The following PSD3 variants were observed in gnomAD, a reference collection of about 807,000 sequenced individuals.
PSD3 encodes the protein pleckstrin and Sec7 domain containing 3.
A neutral mutation model predicts 105.5 loss-of-function variants in PSD3; 49 were observed. The observed-to-expected ratio is 0.46, with a 90% CI of 0.37 to 0.59. The LOEUF (loss-of-function observed/expected upper bound fraction) is 0.59. Among genes scored for constraint, PSD3 ranks in the 20% least tolerant of loss-of-function variants. The probability of loss-of-function intolerance (pLI) is 0.00; values close to 1 mark genes in which losing one functional copy is unlikely to be tolerated. For synonymous variants in PSD3, 557 were observed against 457.8 expected, an observed-to-expected ratio of 1.22 and a Z score of -2.77; for missense variants, 1,561 against 1,263.8, an observed-to-expected ratio of 1.24 and a Z score of -3.57.
intron 4 of PSD3, among the ~76,000 whole-genome samples, chr8:18,814,615 T>C (rs1812047086): frequency 6.6e-6 from 1 of 152,198 alleles, no homozygotes; most frequent in African/African-American, 2.4e-5. Context: ...AAATGAATAA[T>C]TTGCAAAGAA....
At chr8:18,661,321 T>C (rs896877485) in intron 9 of PSD3, among the ~76,000 whole-genome samples, 8 of 152,208 alleles carry the variant, frequency 5.3e-5, no homozygotes, top group African/African-American at 1.9e-4. Context: ...CTCTTTCAAA[T>C]GCTATGCTGG....
chr8:18,949,730 G>T (rs7014903), intron 1 of PSD3, among the ~76,000 whole-genome samples: 1 of 151,756 alleles, frequency 6.6e-6, no homozygotes, highest in Non-Finnish European at 1.5e-5. Context: ...TGAGCTCAGA[G>T]CATCTACAAA....
chr8:18,671,702 G>A (rs1258309797), intron 9 of PSD3, among the ~76,000 whole-genome samples: 1 of 151,448 alleles, frequency 6.6e-6, no homozygotes, highest in Admixed American at 6.6e-5. Flanking sequence ...CGCGATCTCC[G>A]CTCACTGCAA....
upstream of PSD3, among the ~76,000 whole-genome samples, chr8:19,014,687 A>G (rs545313819): frequency 6.6e-6 from 1 of 152,310 alleles, no homozygotes; most frequent in South Asian, 2.1e-4. This position sits in a 1 kb window ranked among gnomAD's most constrained non-coding sequence, Gnocchi z 4.9. Context: ...AAGACGCCCC[A>G]ATAACGAGAA....
Position 19,080,947 on chromosome 8 carries a change from C to T in PSD3, c.324+3259G>A, listed in dbSNP as rs543020812. On this transcript the variant is annotated intron_variant, in intron 1 of 1. Coordinates refer to the PSD3 transcript ENST00000521475. The stretch of plus-strand genomic sequence containing the variant: ...AAAAAAATTTAAGATGTGGAAATGT[C>T]CCGAAACGATGATAGAGAAAGCTTT... 7.0e-4 allele frequency among the ~76,000 whole-genome samples: 106 copies of T among 152,244 alleles called. 1 individual carries two copies. Among genetic ancestry groups the T allele is most frequent in the African/African-American group, 2.5e-3 (102 of 41,552 alleles).
At chr8:18,646,140 C>G (rs549021841) in intron 10 of PSD3, among the ~76,000 whole-genome samples, 13 of 152,228 alleles carry the variant, frequency 8.5e-5, no homozygotes, top group African/African-American at 2.6e-4. Context: ...GCAACTTCTT[C>G]TTGCCTTAGT....
chr8:18,899,472 A>G (rs1214369307), intron 2 of PSD3, among the ~76,000 whole-genome samples: 7 of 152,110 alleles, frequency 4.6e-5, no homozygotes, highest in Non-Finnish European at 1.0e-4. Context: ...GACTTTCATG[A>G]TGTTCTGTCA....
At chr8:18,950,311 C>T (rs1823157862) in intron 1 of PSD3, among the ~76,000 whole-genome samples, 1 of 152,186 alleles carries the variant, frequency 6.6e-6, no homozygotes, top group Non-Finnish European at 1.5e-5. Context: ...AACTCTGTTA[C>T]TTTTCCCTTA....
intron 8 of PSD3, among the ~76,000 whole-genome samples, chr8:18,770,687 G>T (rs1036863383): frequency 6.6e-6 from 1 of 152,232 alleles, no homozygotes; most frequent in Non-Finnish European, 1.5e-5. Flanking sequence ...AGTGACCCCT[G>T]AAGTCCCAGA....
At chr8:19,036,519 G>A (rs1827948892) in intron 1 of PSD3, among the ~76,000 whole-genome samples, 1 of 152,146 alleles carries the variant, frequency 6.6e-6, no homozygotes, top group South Asian at 2.1e-4. Flanking sequence ...AATAGGTAAA[G>A]TATTTTACAG....
At chr8:18,537,174 T>C (rs1229231484) in intron 15 of PSD3, among the ~76,000 whole-genome samples, 1 of 152,206 alleles carries the variant, frequency 6.6e-6, no homozygotes, top group African/African-American at 2.4e-5. Context: ...TTGCCGATGA[T>C]GACATTTATT....
chr8:18,809,833 T>C (rs1811541182), intron 4 of PSD3, among the ~76,000 whole-genome samples: 1 of 151,804 alleles, frequency 6.6e-6, no homozygotes, highest in Non-Finnish European at 1.5e-5. Flanking sequence ...TACTGATTCT[T>C]CTCTAACGTC....
intron 4 of PSD3, among the ~76,000 whole-genome samples, chr8:18,805,806 T>C (rs1811148617): frequency 6.6e-6 from 1 of 152,208 alleles, no homozygotes; most frequent in Non-Finnish European, 1.5e-5. Context: ...ATACAAGTTT[T>C]CCAAAATCCT....
intron 1 of PSD3, among the ~76,000 whole-genome samples, chr8:18,962,341 A>T (rs1823977318): frequency 1.3e-5 from 2 of 152,240 alleles, no homozygotes; most frequent in African/African-American, 4.8e-5. Flanking sequence ...AATTGATGAA[A>T]TAAATTTAAT....
chr8:18,775,034 G>A lies in PSD3; in HGVS notation c.2083-9496C>T, dbSNP rs1807912712. The A allele has an allele frequency of 4.6e-5, 21 of 452,030 alleles. 1 individual carries two copies. Among genetic ancestry groups the A allele is most frequent in the South Asian group, 3.3e-4 (21 of 63,988 alleles). 28.0% of individuals were successfully genotyped at this position (452,030 alleles called of 1,614,324 possible). ...TGTGCCCCTCCTCCTCCTACCTTCT[G>A]GTAACCACCAATCTACTCTCTACCT... On this transcript the variant is annotated intron_variant, in intron 8 of 15. Coordinates refer to ENST00000327040, the MANE Select transcript of PSD3 (RefSeq NM_015310.4).
In PSD3 at chr8:18,872,113, C is replaced by A; in HGVS notation, c.751G>T (p.Ala251Ser). Residue 251 changes from alanine to serine, a missense_variant, in exon 3 of 16, where the codon GCC becomes TCC. Transcript: ENST00000327040. The part of the protein sequence containing the change: ...VCVQEPSCPL[A>S]SLGSSAVTCH... ...GTCACTGCTGAGCTCCCGAGGGAGG[C>A]CAAAGGACAAGATGGCTCCTGCACA... The A allele has an allele frequency of 1.2e-6, 2 of 1,614,050 alleles. No homozygotes were observed. Among genetic ancestry groups the A allele is most frequent in the Non-Finnish European group, 1.7e-6 (2 of 1,179,998 alleles).
intron 1 of PSD3, among the ~76,000 whole-genome samples, chr8:19,022,984 C>A (rs1414426095): frequency 6.6e-6 from 1 of 151,974 alleles, no homozygotes; most frequent in Non-Finnish European, 1.5e-5. Context: ...CCCACTCTAC[C>A]ATCTTCTCAT....
intron 11 of PSD3, among the ~76,000 whole-genome samples, chr8:18,610,901 T>C (rs913551580): frequency 9.9e-5 from 15 of 152,262 alleles, no homozygotes; most frequent in African/African-American, 3.6e-4. Flanking sequence ...ATTTCTCCGC[T>C]TTTGGACAAG....
intron 9 of PSD3, among the ~76,000 whole-genome samples, chr8:18,753,099 G>A (rs1224098110): frequency 1.3e-5 from 2 of 152,080 alleles, no homozygotes; most frequent in Non-Finnish European, 2.9e-5. Flanking sequence ...GTTCACGCCT[G>A]TAATCCCAGC....
Sources: allele counts gnomAD v4.1 joint callset (sites outside exome capture counted in the v4.1 genomes callset), GRCh38; gene constraint gnomAD v4.1.1; non-coding constraint Gnocchi (gnomAD v3.1); transcripts MANE v1.5; gene names NCBI Gene and HGNC (gene_info 2026-07-23, HGNC 2026-07-21).